The following ESR1 variants were observed in gnomAD, a reference collection of about 807,000 sequenced individuals.
ESR1 encodes the protein estrogen receptor.
Under a neutral mutation model 52.7 loss-of-function variants are expected in ESR1, and 12 were observed. The ratio of observed to expected loss-of-function variants is 0.23; its 90% CI spans 0.15 to 0.37. The LOEUF (loss-of-function observed/expected upper bound fraction) is 0.37, where lower values mean the gene tolerates loss of function less well. Among genes scored for constraint, ESR1 ranks in the 10% least tolerant of loss-of-function variants. The probability of loss-of-function intolerance (pLI) is 1.00; values close to 1 mark genes in which losing one functional copy is unlikely to be tolerated. For missense variants in ESR1, 584 were observed against 779.7 expected (o/e 0.75, Z 2.99); for synonymous variants, 305 against 316.8 (o/e 0.96, Z 0.39).
At chr6:151,784,479 C>T (rs985047685) in intron 2 of ESR1, among the ~76,000 whole-genome samples, 1 of 152,000 alleles carries the variant, frequency 6.6e-6, no homozygotes, top group African/African-American at 2.4e-5. Context: ...TTTAAATTTT[C>T]CTTAATGGGT....
chr6:151,944,975 T>G (rs1462029546), intron 4 of ESR1, among the ~76,000 whole-genome samples: 2 of 152,150 alleles, frequency 1.3e-5, no homozygotes, highest in Non-Finnish European at 2.9e-5. Flanking sequence ...TAGCACTTTT[T>G]GGGGCTGAGG....
intron 2 of ESR1, among the ~76,000 whole-genome samples, chr6:151,857,493 CCA>C (rs925674664): frequency 4.1e-5 from 6 of 145,784 alleles, no homozygotes; most frequent in Admixed American, 6.8e-5. Flanking sequence ...ACCCACCCAC[CCA>C]CACACACACA....
intron 5 of ESR1, among the ~76,000 whole-genome samples, chr6:152,054,467 C>A (rs892184802): frequency 6.6e-6 from 1 of 151,970 alleles, no homozygotes; most frequent in African/African-American, 2.4e-5. Context: ...CTTCTCTCCC[C>A]CTCCTCCTAC....
chr6:152,099,515 T>C lies in ESR1; in HGVS notation c.*549T>C, dbSNP rs758235795. ...GTACACCTTAAAGCTTTTATATGAC[T>C]GTAGCAGAGTATCTGGTGATTGTCA... On this transcript the variant is annotated 3_prime_UTR_variant, in exon 8 of 8. Transcript: ENST00000206249. 2.4e-5 allele frequency: 6 copies of C among 251,426 alleles called. No individual in the cohort carries two copies. Among genetic ancestry groups the C allele is most frequent in the South Asian group, 2.7e-4 (2 of 7,478 alleles). 15.6% of individuals were successfully genotyped at this position (251,426 alleles called of 1,614,324 possible).
At chr6:151,823,029 A>AGGT (rs1256982873) in intron 1 of ESR1, among the ~76,000 whole-genome samples, 2 of 152,364 alleles carry the variant, frequency 1.3e-5, no homozygotes, top group East Asian at 3.9e-4. Context: ...CTTGTCAGAT[A>AGGT]AAACAGGATG....
chr6:152,034,785 G>A (rs926779), intron 5 of ESR1, among the ~76,000 whole-genome samples: 59,559 of 151,922 alleles, frequency 0.39, 13,845 homozygotes, highest in African/African-American at 0.65. Context: ...ATCTTAACGA[G>A]GTTTTTACTA....
At chr6:151,672,983 C>T (rs1261716645) in intron 1 of ESR1, among the ~76,000 whole-genome samples, 1 of 151,596 alleles carries the variant, frequency 6.6e-6, no homozygotes, top group Non-Finnish European at 1.5e-5. Flanking sequence ...CCCCCGCCAC[C>T]ACGCCCAGCT....
At chr6:152,031,166 A>C (rs890891812) in intron 5 of ESR1, among the ~76,000 whole-genome samples, 2 of 152,236 alleles carry the variant, frequency 1.3e-5, no homozygotes, top group African/African-American at 4.8e-5. Context: ...TATAGCACTA[A>C]ATGCCCGCAA....
At chr6:151,806,777 C>A (rs1392371882), upstream of ESR1, among the ~76,000 whole-genome samples, 2 of 151,866 alleles carry the variant, frequency 1.3e-5, no homozygotes, top group Non-Finnish European at 2.9e-5. Flanking sequence ...ATTGCCAAAG[C>A]TTTGGTTCGT....
At chr6:151,903,523 G>A (rs1442430885) in intron 3 of ESR1, among the ~76,000 whole-genome samples, 1 of 149,064 alleles carries the variant, frequency 6.7e-6, no homozygotes, top group Non-Finnish European at 1.5e-5. Flanking sequence ...GCATGCCACA[G>A]AACCCCATCT....
rs2043536285 is a variant in ESR1 at position 152,020,406 on chromosome 6, T to C, written c.1235+8612T>C. 2.0e-5 allele frequency among the ~76,000 whole-genome samples: 3 copies of C among 152,268 alleles called. No homozygotes were observed. The South Asian group carries it at 6.2e-4, about 32-fold the overall frequency. ...ATTACCAATGCCAATGTGTTAGTAC[T>C]GCTTGGATCTCTTCTATGACAACAG... On this transcript the variant is annotated intron_variant, in intron 5 of 7. Transcript: ENST00000206249.
At chr6:152,039,529 G>A (rs943701399) in intron 5 of ESR1, among the ~76,000 whole-genome samples, 8 of 151,974 alleles carry the variant, frequency 5.3e-5, no homozygotes, top group African/African-American at 9.7e-5. Context: ...AACATTCATC[G>A]CCCTGGAACT....
At chr6:151,662,847 T>C (rs909112887) in intron 1 of ESR1, among the ~76,000 whole-genome samples, 4 of 152,210 alleles carry the variant, frequency 2.6e-5, no homozygotes, top group African/African-American at 9.7e-5. Flanking sequence ...AAGAAAAAAT[T>C]GTGGATCGTT....
At chr6:152,024,345 T>G (rs1054007309) in intron 5 of ESR1, among the ~76,000 whole-genome samples, 1 of 152,098 alleles carries the variant, frequency 6.6e-6, no homozygotes, top group Non-Finnish European at 1.5e-5. Context: ...TTTCAGAGTT[T>G]TACTGTGGAT....
intron 2 of ESR1, among the ~76,000 whole-genome samples, chr6:151,737,508 G>A (rs1270801771): frequency 2.0e-5 from 3 of 151,832 alleles, no homozygotes; most frequent in African/African-American, 4.8e-5. Context: ...ATTTTTTTGC[G>A]ATTTGCAAAA....
At chr6:152,031,865 G>A (rs1176175288) in intron 5 of ESR1, among the ~76,000 whole-genome samples, 7 of 152,174 alleles carry the variant, frequency 4.6e-5, no homozygotes, top group Non-Finnish European at 8.8e-5. Context: ...CAATATCCCT[G>A]ATGAACATCG....
At chr6:151,742,231 A>G (rs757738899) in intron 2 of ESR1, among the ~76,000 whole-genome samples, 1 of 152,154 alleles carries the variant, frequency 6.6e-6, no homozygotes, top group Non-Finnish European at 1.5e-5. Flanking sequence ...GGGTGCAGAT[A>G]TCTTTACGAG....
At chr6:151,808,970 T>C (rs1778346033) in intron 1 of ESR1, 3 of 236,316 alleles carry the variant, frequency 1.3e-5, no homozygotes, top group South Asian at 4.8e-5. Context: ...TAGAGAGCGA[T>C]TGGGAGTTGA....
rs922921602 is a variant in ESR1 at position 152,122,685 on chromosome 6, A to G, written c.851-2581A>G. 1 of 1,613,768 alleles carries G rather than the reference A, an allele frequency of 6.2e-7. No homozygotes were observed. The highest frequency in any genetic ancestry group is 8.5e-7 in the Non-Finnish European group (1 of 1,179,872). On this transcript the variant is annotated intron_variant, in intron 6 of 6. Coordinates refer to the ESR1 transcript ENST00000427531. ...AGCCACCTTTTGTGGACCTGAGAGA[A>G]GAATGGACATAAATTACTCAGATAA...
Sources: gnomAD v4.1 joint callset for allele counts (sites outside exome capture counted in the v4.1 genomes callset) on GRCh38, gnomAD v4.1.1 for gene constraint, MANE v1.5 for transcripts, NCBI Gene and HGNC (gene_info 2026-07-23, HGNC 2026-07-21) for gene names.